SEMA3A: variants seen among roughly 807,000 people sequenced by gnomAD.
SEMA3A encodes the protein semaphorin-3A.
Under a neutral mutation model 97.9 loss-of-function variants are expected in SEMA3A, and 29 were observed. That is an observed-to-expected ratio of 0.30 (90% confidence interval 0.22 to 0.40). The LOEUF (loss-of-function observed/expected upper bound fraction) is 0.40, where lower values mean the gene tolerates loss of function less well. Among genes scored for constraint, SEMA3A ranks in the 10% least tolerant of loss-of-function variants. The pLI is 1.00. For synonymous variants in SEMA3A, 321 were observed against 323.7 expected (o/e 0.99, Z 0.09); for missense variants, 763 against 951.3 (o/e 0.80, Z 2.60).
intron 1 of SEMA3A, among the ~76,000 whole-genome samples, chr7:84,436,624 T>C: frequency 6.6e-6 from 1 of 152,138 alleles, no homozygotes; most frequent in East Asian, 1.9e-4. Context: ...TAAGTTCGGA[T>C]TTCTTTGTGT....
At chr7:84,277,461 A>G (rs1269548311) in intron 3 of SEMA3A, among the ~76,000 whole-genome samples, 1 of 152,140 alleles carries the variant, frequency 6.6e-6, no homozygotes, top group African/African-American at 2.4e-5. Context: ...TGGTTGCTAC[A>G]TACTTTCGAC....
chr7:84,290,118 G>C (rs1808204), intron 3 of SEMA3A, among the ~76,000 whole-genome samples: 107,748 of 152,018 alleles, frequency 0.71, 38,414 homozygotes, highest in East Asian at 0.79. Flanking sequence ...TGGGGTGTAA[G>C]AGCTAGTGGT....
At chr7:84,053,866 A>G (rs1256586758) in intron 5 of SEMA3A, among the ~76,000 whole-genome samples, 21 of 115,252 alleles carry the variant, frequency 1.8e-4, no homozygotes, top group Admixed American at 1.2e-3. Flanking sequence ...GTTCCTTTCC[A>G]TGTTTAGCGC....
chr7:84,318,144 T>C (rs1801555775), intron 2 of SEMA3A, among the ~76,000 whole-genome samples: 1 of 152,026 alleles, frequency 6.6e-6, no homozygotes. Context: ...AATAAAAATA[T>C]ACATTTTTAT....
chr7:84,437,380 T>C (rs1805161078), intron 1 of SEMA3A, among the ~76,000 whole-genome samples: 1 of 152,046 alleles, frequency 6.6e-6, no homozygotes, highest in Non-Finnish European at 1.5e-5. Flanking sequence ...TTATTTCCAG[T>C]TAATAGTCCG....
chr7:84,374,090 G>A (rs1391571376), intron 1 of SEMA3A, among the ~76,000 whole-genome samples: 1 of 152,146 alleles, frequency 6.6e-6, no homozygotes, highest in Non-Finnish European at 1.5e-5. Context: ...CATCTCATGG[G>A]CAGAAGCCCA....
intron 3 of SEMA3A, among the ~76,000 whole-genome samples, chr7:84,258,943 C>T (rs1472619142): frequency 1.3e-5 from 2 of 151,372 alleles, no homozygotes; most frequent in Admixed American, 1.3e-4. Context: ...TGTGGCCTTG[C>T]CATCTGCTAT....
chr7:84,180,774 G>A (rs2116235298), intron 1 of SEMA3A, among the ~76,000 whole-genome samples: 1 of 152,244 alleles, frequency 6.6e-6, no homozygotes, highest in African/African-American at 2.4e-5. Flanking sequence ...CTATATTGAA[G>A]ATTGAAGGTC....
intron 1 of SEMA3A, among the ~76,000 whole-genome samples, chr7:84,423,139 T>C (rs1433264114): frequency 6.6e-6 from 1 of 152,022 alleles, no homozygotes; most frequent in East Asian, 1.9e-4. Context: ...AATAGAAAAA[T>C]GTACACAAAT....
rs117658178 is a variant in SEMA3A, at chr7:84,378,419, C to T, written c.-245-6519G>A. Reference sequence around the variant, plus strand: ...TTAATGTCCTTTGCAGGGACATGGGCGAAGCTGGAAACCATCATTCTCTGC... The same window carrying T: ...TTAATGTCCTTTGCAGGGACATGGGTGAAGCTGGAAACCATCATTCTCTGC... On this transcript the variant is annotated intron_variant, in intron 1 of 3. Coordinates refer to the SEMA3A transcript ENST00000424555. Among the ~76,000 whole-genome samples, 535 of 152,090 alleles carry T rather than the reference C, an allele frequency of 3.5e-3. 3 individuals carry two copies. Among genetic ancestry groups the T allele is most frequent in the Non-Finnish European group, 5.6e-3 (381 of 68,004 alleles).
At chr7:84,476,646 T>C (rs903013016) in intron 1 of SEMA3A, among the ~76,000 whole-genome samples, 1 of 152,116 alleles carries the variant, frequency 6.6e-6, no homozygotes, top group African/African-American at 2.4e-5. Context: ...AATAAGATAT[T>C]AAAATCTTGT....
Position 84,294,378 on chromosome 7 carries a change from A to C in SEMA3A, c.-83+12829T>G, listed in dbSNP as rs143219552. Among the ~76,000 whole-genome samples the C allele has an allele frequency of 2.4e-3, 365 of 152,144 alleles. 1 individual carries two copies. Among genetic ancestry groups the C allele is most frequent in the Non-Finnish European group, 4.1e-3 (278 of 67,952 alleles). ...GCAGTTTCCTACTAGTAAGCTTTAGAACCTTTCATATGTTTGCTGCATATT... is the reference window on the plus strand; with the variant it reads ...GCAGTTTCCTACTAGTAAGCTTTAGCACCTTTCATATGTTTGCTGCATATT... On this transcript the variant is annotated intron_variant, in intron 3 of 3. Transcript: ENST00000424555.
chr7:84,461,859 C>T (rs1170446371), intron 1 of SEMA3A, among the ~76,000 whole-genome samples: 1 of 152,122 alleles, frequency 6.6e-6, no homozygotes, highest in Non-Finnish European at 1.5e-5. Flanking sequence ...TTTAATTCTA[C>T]ATTGCTCAGT....
At chr7:84,182,480 T>C (rs920372180) in intron 1 of SEMA3A, among the ~76,000 whole-genome samples, 7 of 152,154 alleles carry the variant, frequency 4.6e-5, no homozygotes, top group African/African-American at 1.7e-4. Context: ...GAACATAAAT[T>C]GGAACTTACA....
intron 2 of SEMA3A, among the ~76,000 whole-genome samples, chr7:84,361,430 G>T (rs922625825): frequency 6.6e-6 from 1 of 151,978 alleles, no homozygotes; most frequent in Admixed American, 6.6e-5. Context: ...AATGGAAAAC[G>T]GAAAGCTATT....
At chr7:84,429,732 T>G (rs1804928628) in intron 1 of SEMA3A, among the ~76,000 whole-genome samples, 1 of 150,768 alleles carries the variant, frequency 6.6e-6, no homozygotes, top group Non-Finnish European at 1.5e-5. Context: ...CCAAGGGTGT[T>G]CTGTCAGGTA....
At chr7:84,477,555 T>G (rs544237623) in intron 1 of SEMA3A, among the ~76,000 whole-genome samples, 2 of 151,736 alleles carry the variant, frequency 1.3e-5, no homozygotes, top group Non-Finnish European at 2.9e-5. Flanking sequence ...TCTGAAAAGA[T>G]AGAAATTTAC....
intron 3 of SEMA3A, among the ~76,000 whole-genome samples, chr7:84,128,360 C>T (rs1039369359): frequency 6.6e-6 from 1 of 151,780 alleles, no homozygotes; most frequent in African/African-American, 2.4e-5. Context: ...AGAAAAGATA[C>T]GTAATTTAAT....
chr7:84,096,905 G>A (rs1350454685), intron 4 of SEMA3A, among the ~76,000 whole-genome samples: 1 of 152,066 alleles, frequency 6.6e-6, no homozygotes, highest in Non-Finnish European at 1.5e-5. Context: ...GTTTACATAT[G>A]TCTAAGATAC....
Sources: gnomAD v4.1 joint callset for allele counts (sites outside exome capture counted in the v4.1 genomes callset) on GRCh38, gnomAD v4.1.1 for gene constraint, MANE v1.5 for transcripts, NCBI Gene and HGNC (gene_info 2026-07-23, HGNC 2026-07-21) for gene names.